NEDD4L: variants seen among roughly 807,000 people sequenced by gnomAD.
NEDD4L encodes the protein NEDD4 like E3 ubiquitin protein ligase.
NEDD4L carries 54 observed loss-of-function variants against 148.9 expected under a neutral mutation model. The ratio of observed to expected loss-of-function variants is 0.36; its 90% CI spans 0.29 to 0.45. NEDD4L has a LOEUF of 0.45. Ranked by LOEUF, NEDD4L falls within the 20% of genes least tolerant of loss-of-function variation. NEDD4L has a pLI of 1.00. For missense variants in NEDD4L, 856 were observed against 1,233.8 expected (o/e 0.69, Z 4.59); for synonymous variants, 433 against 440.7 (o/e 0.98, Z 0.22).
intron 1 of NEDD4L, among the ~76,000 whole-genome samples, chr18:58,071,896 A>G (rs565426590): frequency 2.0e-5 from 3 of 152,330 alleles, no homozygotes; most frequent in African/African-American, 7.2e-5. Context: ...TATGGGAGAA[A>G]CTTCCCTTAT....
chr18:58,119,156 C>T (rs1488639844), intron 1 of NEDD4L, among the ~76,000 whole-genome samples: 7 of 152,228 alleles, frequency 4.6e-5, no homozygotes, highest in Non-Finnish European at 7.3e-5. Flanking sequence ...AGTCTGCCCT[C>T]TCCAACCTTA....
chr18:58,329,829 ATATTTT>A, intron 10 of NEDD4L, among the ~76,000 whole-genome samples: 1 of 152,126 alleles, frequency 6.6e-6, no homozygotes, highest in East Asian at 1.9e-4. Context: ...AAATCTTAAG[ATATTTT>A]TAGTTTGTAA....
At chr18:58,390,773 C>T in intron 29 of NEDD4L, 31 bp downstream of exon 29, 1 of 1,490,990 alleles carries the variant, frequency 6.7e-7, no homozygotes, top group Non-Finnish European at 9.2e-7. Context: ...TTCAGTTGTC[C>T]TCCTGGGAAT....
chr18:58,092,078 T>A (rs2145311521), intron 1 of NEDD4L, among the ~76,000 whole-genome samples: 1 of 152,332 alleles, frequency 6.6e-6, no homozygotes, highest in South Asian at 2.1e-4. Flanking sequence ...CCAAGCCAGG[T>A]AAATAAATCT....
chr18:58,304,129 T>G (rs1025294672), intron 5 of NEDD4L, among the ~76,000 whole-genome samples: 1 of 152,052 alleles, frequency 6.6e-6, no homozygotes, highest in African/African-American at 2.4e-5. Flanking sequence ...CCAGAGATGC[T>G]TCCAAATACC....
rs8086364 is a variant in NEDD4L at position 58,167,321 on chromosome 18, G to C, written c.122+1460G>C. ...CCAGGTCTCTAGGCATGGGCAGAAGGATCCCTGCTTCCCTTCTCTTCCCTT... is the reference window on the plus strand; with the variant it reads ...CCAGGTCTCTAGGCATGGGCAGAAGCATCCCTGCTTCCCTTCTCTTCCCTT... On this transcript the variant is annotated intron_variant, in intron 2 of 30. Transcript: ENST00000400345. Among the ~76,000 whole-genome samples the C allele has an allele frequency of 8.8e-3, 1,333 of 152,264 alleles. 14 individuals are homozygous for C. Among genetic ancestry groups the C allele is most frequent in the African/African-American group, 0.03 (1,260 of 41,552 alleles).
intron 1 of NEDD4L, among the ~76,000 whole-genome samples, chr18:58,116,683 C>CT (rs995913857): frequency 3.9e-5 from 6 of 152,194 alleles, no homozygotes; most frequent in Non-Finnish European, 7.3e-5. Context: ...AGGGCAAAGG[C>CT]TTAACATAGA....
At chr18:58,089,595 A>G (rs1477275825) in intron 1 of NEDD4L, among the ~76,000 whole-genome samples, 1 of 152,230 alleles carries the variant, frequency 6.6e-6, no homozygotes, top group East Asian at 1.9e-4. Context: ...TTGGATTCAA[A>G]TGGTTTTAAA....
intron 6 of NEDD4L, among the ~76,000 whole-genome samples, chr18:58,316,236 G>A (rs938603801): frequency 6.6e-6 from 1 of 152,156 alleles, no homozygotes; most frequent in Non-Finnish European, 1.5e-5. Flanking sequence ...AGTCAAGGGT[G>A]CCTGAGTCGT....
intron 1 of NEDD4L, among the ~76,000 whole-genome samples, chr18:58,143,527 T>C (rs186299572): frequency 1.7e-4 from 26 of 152,360 alleles, no homozygotes; most frequent in African/African-American, 6.3e-4. Context: ...TATGCTGTGT[T>C]GCAAACCCAG....
chr18:58,127,835 C>T (rs868632041), intron 1 of NEDD4L, among the ~76,000 whole-genome samples: 7 of 64,136 alleles, frequency 1.1e-4, no homozygotes, highest in South Asian at 6.7e-4. Flanking sequence ...AGTGAGACTC[C>T]GTCTCAAAAA....
In NEDD4L at chr18:58,227,809, C is replaced by A. The variant is rs750806301; in HGVS notation, c.123-17618C>A. 1.4e-4 allele frequency: 123 copies of A among 878,492 alleles called. 1 individual carries two copies. The highest frequency in any genetic ancestry group is 1.5e-4 in the Non-Finnish European group (111 of 734,118). The allele number at this position is 878,492 out of a possible 1,614,324, so 54.4% of individuals were successfully genotyped here. A position where few individuals can be genotyped will look rare whatever the true frequency, so the allele number is the denominator to read the frequency against. On this transcript the variant is annotated intron_variant, in intron 2 of 30. Coordinates refer to ENST00000400345, the MANE Select transcript of NEDD4L (RefSeq NM_001144967.3). The stretch of plus-strand genomic sequence containing the variant: ...GCCTCTTGTTCAAACTCCCTAAGAG[C>A]AGATTATCCTTCTCTTTCAGCTTCT...
chr18:58,052,649 T>TC (rs2081926531), intron 1 of NEDD4L, among the ~76,000 whole-genome samples: 1 of 1,534 alleles, frequency 6.5e-4, no homozygotes, highest in African/African-American at 1.7e-3. Flanking sequence ...GAGTTTTTCT[T>TC]TTTTTTTTTT....
chr18:58,177,711 G>A (rs948998082), intron 2 of NEDD4L, among the ~76,000 whole-genome samples: 3 of 152,126 alleles, frequency 2.0e-5, no homozygotes, highest in South Asian at 2.1e-4. Flanking sequence ...AATCCATTTG[G>A]GAAACATCTT....
chr18:58,139,918 G>A (rs551722212), intron 1 of NEDD4L, among the ~76,000 whole-genome samples: 11 of 152,272 alleles, frequency 7.2e-5, no homozygotes, highest in African/African-American at 2.6e-4. Context: ...GTTATGTTAA[G>A]GCTCCTAGAC....
chr18:58,120,636 C>T (rs2086178592), intron 1 of NEDD4L, among the ~76,000 whole-genome samples: 1 of 152,124 alleles, frequency 6.6e-6, no homozygotes, highest in African/African-American at 2.4e-5. Flanking sequence ...AAAAATTAGC[C>T]AGGCGTGGTG....
At chr18:58,390,879 A>G in intron 29 of NEDD4L, 137 bp downstream of exon 29, 1 of 685,700 alleles carries the variant, frequency 1.5e-6, no homozygotes, top group Non-Finnish European at 2.7e-6. Context: ...AGGTTCCATG[A>G]AAGTTCAATG....
chr18:58,299,390 A>G (rs764773280), intron 5 of NEDD4L, among the ~76,000 whole-genome samples: 2 of 152,274 alleles, frequency 1.3e-5, no homozygotes, highest in Admixed American at 6.5e-5. Flanking sequence ...AGCAGAGCAT[A>G]TGAATAACAT....
rs180746667 is a variant in NEDD4L, at chr18:58,184,713, G to C, written c.122+18852G>C. 5.8e-3 allele frequency among the ~76,000 whole-genome samples: 879 copies of C among 152,220 alleles called. 2 individuals are homozygous for C. Among genetic ancestry groups the C allele is most frequent in the Non-Finnish European group, 8.0e-3 (541 of 68,022 alleles). ...GGAGGCTGAGGTAGGCGGATCACGT[G>C]GTCAGGAGATCGAGACCATCCTGGC... On this transcript the variant is annotated intron_variant, in intron 2 of 30. Coordinates refer to ENST00000400345, the MANE Select transcript of NEDD4L (RefSeq NM_001144967.3).
Sources: allele counts gnomAD v4.1 joint callset (sites outside exome capture counted in the v4.1 genomes callset), GRCh38; gene constraint gnomAD v4.1.1; transcripts MANE v1.5; gene names NCBI Gene and HGNC (gene_info 2026-07-23, HGNC 2026-07-21).